Variants in CDK14 observed in about 807,000 individuals in gnomAD.
CDK14 encodes cyclin-dependent kinase 14.
CDK14 carries 34 observed loss-of-function variants against 60.7 expected under a neutral mutation model. The observed-to-expected ratio is 0.56, with a 90% CI of 0.43 to 0.75. The LOEUF (loss-of-function observed/expected upper bound fraction) is 0.75, where lower values mean the gene tolerates loss of function less well. CDK14 is among the 30% of genes least tolerant of loss of function. CDK14 has a pLI of 0.00. For synonymous variants in CDK14, 197 were observed against 203.7 expected (o/e 0.97, Z 0.28); for missense variants, 482 against 564.1 (o/e 0.85, Z 1.47).
chr7:90,923,696 G>A (rs1490787478), intron 8 of CDK14, among the ~76,000 whole-genome samples: 1 of 152,222 alleles, frequency 6.6e-6, no homozygotes, highest in African/African-American at 2.4e-5. Flanking sequence ...CTACGCATAG[G>A]ACTGATCATC....
intron 13 of CDK14, 34 bp downstream of exon 13, chr7:91,112,715 G>A: frequency 6.2e-7 from 1 of 1,607,306 alleles, no homozygotes. Flanking sequence ...TCCAGTCCAA[G>A]CAGACACATC....
intron 12 of CDK14, among the ~76,000 whole-genome samples, chr7:91,104,189 A>T (rs1379580460): frequency 1.3e-5 from 2 of 152,096 alleles, no homozygotes; most frequent in Non-Finnish European, 2.9e-5. Context: ...CCTTGTGAAC[A>T]TAGAGGCTCA....
chr7:90,822,505 C>T (rs1789584482), intron 5 of CDK14, among the ~76,000 whole-genome samples: 1 of 152,098 alleles, frequency 6.6e-6, no homozygotes, highest in Non-Finnish European at 1.5e-5. Context: ...TTCCAGCCCA[C>T]CTTTTGGAGT....
chr7:91,019,810 C>G (rs558734973), intron 10 of CDK14, among the ~76,000 whole-genome samples: 4 of 152,280 alleles, frequency 2.6e-5, no homozygotes, highest in African/African-American at 9.6e-5. Flanking sequence ...CCCAGAATGC[C>G]ATTGCTGTGA....
rs907741009 is a variant in CDK14, at chr7:90,995,003, T to C, written c.1041+10762T>C. 6.6e-4 allele frequency among the ~76,000 whole-genome samples: 101 copies of C among 152,242 alleles called. 1 individual carries two copies. The highest frequency in any genetic ancestry group is 2.4e-3 in the African/African-American group (99 of 41,478). ...ACATTACATATGTTATCTCTTGAGGTGAGCAGCATCTAAGATGGCTCCTAG... is the reference window on the plus strand; with the variant it reads ...ACATTACATATGTTATCTCTTGAGGCGAGCAGCATCTAAGATGGCTCCTAG... On this transcript the variant is annotated intron_variant, in intron 10 of 14. Coordinates refer to ENST00000380050, the MANE Select transcript of CDK14 (RefSeq NM_001287135.2).
intron 2 of CDK14, among the ~76,000 whole-genome samples, chr7:90,688,692 T>C (rs1801491964): frequency 6.6e-6 from 1 of 152,188 alleles, no homozygotes; most frequent in African/African-American, 2.4e-5. Context: ...ATAAAAGCTG[T>C]CATACTTAGT....
intron 14 of CDK14, among the ~76,000 whole-genome samples, chr7:91,179,671 C>T (rs553394805): frequency 0.013 from 1,927 of 152,022 alleles, 25 homozygotes; most frequent in South Asian, 0.034. Flanking sequence ...GGCGTGGTGG[C>T]GGGCGCCTGT....
chr7:90,960,016 GCTTA>G (rs1794554054), intron 9 of CDK14, among the ~76,000 whole-genome samples: 3 of 152,080 alleles, frequency 2.0e-5, no homozygotes. Context: ...AACCAAAAAG[GCTTA>G]CTAAGTTTTG....
At chr7:90,806,717 G>C (rs959275791) in intron 5 of CDK14, among the ~76,000 whole-genome samples, 1 of 152,236 alleles carries the variant, frequency 6.6e-6, no homozygotes, top group Non-Finnish European at 1.5e-5. Context: ...CCCTTTCCTA[G>C]TCAAAGAAAG....
At chr7:90,884,232 A>T (rs55757124) in intron 6 of CDK14, among the ~76,000 whole-genome samples, 1 of 152,172 alleles carries the variant, frequency 6.6e-6, no homozygotes, top group South Asian at 2.1e-4. Context: ...CAACTTCAGC[A>T]AAGTCTCAGA....
intron 14 of CDK14, among the ~76,000 whole-genome samples, chr7:91,138,697 T>G (rs1398514901): frequency 6.6e-6 from 1 of 152,196 alleles, no homozygotes; most frequent in East Asian, 1.9e-4. Flanking sequence ...TATATATTAA[T>G]GACAGCTGAT....
At chr7:90,953,738 G>C (rs1794327699) in intron 8 of CDK14, among the ~76,000 whole-genome samples, 1 of 152,122 alleles carries the variant, frequency 6.6e-6, no homozygotes, top group African/African-American at 2.4e-5. Context: ...AATCAAGCTG[G>C]AATGTTTGTA....
At chr7:90,916,657 T>A (rs897735430) in intron 7 of CDK14, among the ~76,000 whole-genome samples, 1 of 152,214 alleles carries the variant, frequency 6.6e-6, no homozygotes, top group Non-Finnish European at 1.5e-5. Flanking sequence ...TTATATAGAC[T>A]AGAATATTGG....
intron 2 of CDK14, among the ~76,000 whole-genome samples, chr7:90,712,302 A>G (rs954611176): frequency 2.6e-5 from 4 of 151,754 alleles, no homozygotes; most frequent in Admixed American, 2.6e-4. Context: ...GTAACTCCCC[A>G]TTCCCCTTCC....
At chr7:90,632,852 G>T (rs1185616492) in intron 2 of CDK14, among the ~76,000 whole-genome samples, 1 of 152,174 alleles carries the variant, frequency 6.6e-6, no homozygotes, top group Non-Finnish European at 1.5e-5. Flanking sequence ...CCTTTGGGAA[G>T]CCGAGGTGGG....
chr7:90,864,921 A>T (rs1020593502), intron 6 of CDK14, among the ~76,000 whole-genome samples: 8 of 152,072 alleles, frequency 5.3e-5, no homozygotes, highest in African/African-American at 1.9e-4. Flanking sequence ...CTAGAGTAAC[A>T]TTTTGTTCCC....
intron 14 of CDK14, among the ~76,000 whole-genome samples, chr7:91,198,033 C>A (rs1802603325): frequency 6.6e-6 from 1 of 152,170 alleles, no homozygotes; most frequent in Admixed American, 6.5e-5. Flanking sequence ...GCTTAGCGAG[C>A]TGTCTAGCAC....
intron 5 of CDK14, among the ~76,000 whole-genome samples, chr7:90,826,792 G>C (rs1789739387): frequency 6.6e-6 from 1 of 152,002 alleles, no homozygotes; most frequent in African/African-American, 2.4e-5. Context: ...TCTTTTCCCT[G>C]GCACACAGTT....
chr7:90,809,848 G>A (rs1433014632), intron 5 of CDK14, among the ~76,000 whole-genome samples: 1 of 152,176 alleles, frequency 6.6e-6, no homozygotes, highest in Non-Finnish European at 1.5e-5. Flanking sequence ...ACACCTCTAT[G>A]CAAATAAACT....
Sources: allele counts gnomAD v4.1 joint callset (sites outside exome capture counted in the v4.1 genomes callset), GRCh38; gene constraint gnomAD v4.1.1; transcripts MANE v1.5; gene names NCBI Gene and HGNC (gene_info 2026-07-23, HGNC 2026-07-21).